Variants in SLC20A2 observed in about 807,000 individuals in gnomAD.
SLC20A2 encodes sodium-dependent phosphate transporter 2.
Under a neutral mutation model 61.0 loss-of-function variants are expected in SLC20A2, and 30 were observed. The observed-to-expected ratio is 0.49, with a 90% CI of 0.37 to 0.67. The LOEUF is 0.67. SLC20A2 is among the 30% of genes least tolerant of loss of function. The probability of loss-of-function intolerance (pLI) is 0.00; values close to 1 mark genes in which losing one functional copy is unlikely to be tolerated. For synonymous variants in SLC20A2, 351 were observed against 353.3 expected, an observed-to-expected ratio of 0.99 and a Z score of 0.07; for missense variants, 626 against 866.4, an observed-to-expected ratio of 0.72 and a Z score of 3.48.
At chr8:42,459,047 C>G (rs1330860248) in intron 5 of SLC20A2, among the ~76,000 whole-genome samples, 1 of 146,566 alleles carries the variant, frequency 6.8e-6, no homozygotes, top group African/African-American at 2.6e-5. Flanking sequence ...TCGAGGCAGG[C>G]GGATCACAAG....
intron 2 of SLC20A2, among the ~76,000 whole-genome samples, chr8:42,467,943 G>T (rs1807315318): frequency 1.3e-5 from 2 of 151,072 alleles, no homozygotes; most frequent in South Asian, 4.2e-4. Context: ...TTTAGACGGG[G>T]TCTTGCTCTG....
chr8:42,472,472 C>A lies in SLC20A2; in HGVS notation c.-82G>T, dbSNP rs1586141450. On this transcript the variant is annotated 5_prime_UTR_variant, in exon 2 of 11. Coordinates refer to ENST00000520262, the MANE Select transcript of SLC20A2 (RefSeq NM_001257180.2). The surrounding 1 kb of genome is among the most constrained non-coding windows in gnomAD (Gnocchi z 4.1). Reference sequence around the variant, plus strand: ...GCTTGAGGTTATAAACTTCGTAAGGCCAAGAGTTCTTGTAAACAGTGAGTT... The same window carrying A: ...GCTTGAGGTTATAAACTTCGTAAGGACAAGAGTTCTTGTAAACAGTGAGTT... 31 of 1,289,056 alleles carry A rather than the reference C, an allele frequency of 2.4e-5. No homozygotes were observed. In the East Asian group the frequency reaches 7.4e-4, roughly 31 times the overall value. 79.9% of individuals were successfully genotyped at this position (1,289,056 alleles called of 1,614,324 possible).
intron 1 of SLC20A2, among the ~76,000 whole-genome samples, chr8:42,490,198 A>T (rs1021289168): frequency 6.6e-6 from 1 of 152,168 alleles, no homozygotes; most frequent in African/African-American, 2.4e-5. Flanking sequence ...ATATAAACTT[A>T]AAAAAATTAT....
intron 1 of SLC20A2, among the ~76,000 whole-genome samples, chr8:42,526,435 AG>A (rs1811944548): frequency 6.6e-6 from 1 of 152,000 alleles, no homozygotes; most frequent in Non-Finnish European, 1.5e-5. Flanking sequence ...GGACTTTGGG[AG>A]GCCAAGGTGG....
chr8:42,501,952 A>G (rs1170856485), upstream of SLC20A2, among the ~76,000 whole-genome samples: 1 of 152,238 alleles, frequency 6.6e-6, no homozygotes, highest in Non-Finnish European at 1.5e-5. Context: ...TCAGAACATG[A>G]AAAACTTTCT....
At chr8:42,531,623 T>C (rs74356200) in intron 1 of SLC20A2, among the ~76,000 whole-genome samples, 2,505 of 152,256 alleles carry the variant, frequency 0.016, 63 homozygotes, top group African/African-American at 0.057. Context: ...ATTTTCACAA[T>C]GCTACAACTA....
chr8:42,477,112 G>A (rs1200943089), intron 1 of SLC20A2, among the ~76,000 whole-genome samples: 1 of 152,234 alleles, frequency 6.6e-6, no homozygotes, highest in Non-Finnish European at 1.5e-5. Flanking sequence ...CTCTCTAGTG[G>A]CTGACCCTGG....
In SLC20A2 at chr8:42,437,610, G is replaced by T; in HGVS notation, c.935-33C>A. The T allele has an allele frequency of 1.4e-5, 19 of 1,384,736 alleles. No individual in the cohort carries two copies. Among genetic ancestry groups the T allele is most frequent in the Admixed American group, 2.4e-5 (1 of 42,092 alleles). The allele number at this position is 1,384,736 out of a possible 1,614,324, so 85.8% of individuals were successfully genotyped here. ...GGGTTAGAGAAGGTCTCATTTTCCA[G>T]TCTTTTTTTTTTTTTTCTTTTCTTT... On this transcript the variant is annotated intron_variant, in intron 7 of 10. Transcript: ENST00000520262. This position sits in a 1 kb window ranked among gnomAD's most constrained non-coding sequence, Gnocchi z 6.4.
rs74820353 is a variant in SLC20A2, at chr8:42,428,983, A to C, written c.1710-141T>G. ...GGGCAAGATCAATTTTAACAGAACA[A>C]GAGGCCGCTGCTCAACAACAGCAAT... On this transcript the variant is annotated intron_variant, in intron 9 of 10. Coordinates refer to ENST00000520262, the MANE Select transcript of SLC20A2 (RefSeq NM_001257180.2). 0.029 allele frequency: 18,137 copies of C among 621,348 alleles called. 386 individuals are homozygous for C. Among genetic ancestry groups the C allele is most frequent in the Non-Finnish European group, 0.039 (14,539 of 374,060 alleles). The allele number at this position is 621,348 out of a possible 1,614,324, so 38.5% of individuals were successfully genotyped here.
At chr8:42,524,808 A>C (rs1267840663) in intron 1 of SLC20A2, among the ~76,000 whole-genome samples, 2 of 151,542 alleles carry the variant, frequency 1.3e-5, no homozygotes, top group East Asian at 3.9e-4. Context: ...TAAATAAATA[A>C]ATAAAAATAA....
chr8:42,433,409 C>T (rs1019851973), intron 8 of SLC20A2, among the ~76,000 whole-genome samples: 1 of 152,038 alleles, frequency 6.6e-6, no homozygotes. Flanking sequence ...CTGCAATATC[C>T]TCCACCTGGG....
rs374795411 is a variant in SLC20A2, at chr8:42,443,119, C to T, written c.730+1527G>A. 1.9e-4 allele frequency among the ~76,000 whole-genome samples: 29 copies of T among 149,112 alleles called. No homozygotes were observed. The East Asian group carries it at 4.1e-3, about 21-fold the overall frequency. ...CGTTTTATTATATATGTTATAATTA[C>T]TATAACTATAATAATACAATTATTA... On this transcript the variant is annotated intron_variant, in intron 6 of 10. Coordinates refer to ENST00000520262, the MANE Select transcript of SLC20A2 (RefSeq NM_001257180.2).
chr8:42,479,371 C>G (rs1220098476), intron 1 of SLC20A2, among the ~76,000 whole-genome samples: 1 of 152,142 alleles, frequency 6.6e-6, no homozygotes, highest in Non-Finnish European at 1.5e-5. Context: ...ATCACAGGGT[C>G]ACTCTGATCT....
chr8:42,439,749 C>A, intron 6 of SLC20A2, 96 bp from the exon 7 acceptor site: 1 of 967,816 alleles, frequency 1.0e-6, no homozygotes, highest in Non-Finnish European at 1.6e-6. Context: ...TATGCTTTAG[C>A]ACTGATTTTG....
At chr8:42,468,267 C>G (rs1226658539) in intron 2 of SLC20A2, among the ~76,000 whole-genome samples, 4 of 152,194 alleles carry the variant, frequency 2.6e-5, no homozygotes, top group African/African-American at 9.7e-5. Context: ...CAATTGAATT[C>G]AGACCATAAG....
At chr8:42,463,143 G>T in intron 3 of SLC20A2, 53 bp from the exon 4 acceptor site, 2 of 1,026,754 alleles carry the variant, frequency 1.9e-6, no homozygotes, top group Admixed American at 2.3e-5. Flanking sequence ...TCATAATTAT[G>T]GTCCTATTCA....
chr8:42,429,870 G>A (rs942008121), intron 9 of SLC20A2, among the ~76,000 whole-genome samples, 194 bp downstream of exon 9: 4 of 152,168 alleles, frequency 2.6e-5, no homozygotes, highest in African/African-American at 9.7e-5. Flanking sequence ...CGCTGTGGCT[G>A]GGGGCCGGGC....
At chr8:42,436,490 C>CGTGCCCTGTGTGGCCCCTGTCAAAT (rs1339927734) in intron 8 of SLC20A2, among the ~76,000 whole-genome samples, 5 of 152,256 alleles carry the variant, frequency 3.3e-5, no homozygotes, top group East Asian at 3.9e-4. Context: ...CCCTGTCAAA[C>CGTGCCCTGTGTGGCCCCTGTCAAAT]GTGCCCTGTG....
intron 5 of SLC20A2, among the ~76,000 whole-genome samples, chr8:42,458,566 T>G (rs1563481618): frequency 2.2e-5 from 3 of 136,968 alleles, no homozygotes; most frequent in Admixed American, 8.1e-5. Flanking sequence ...AAGGCTGCAG[T>G]GGGCTATGAT....
Sources: gnomAD v4.1 joint callset for allele counts (sites outside exome capture counted in the v4.1 genomes callset) on GRCh38, gnomAD v4.1.1 for gene constraint, Gnocchi (gnomAD v3.1) non-coding constraint, MANE v1.5 for transcripts, NCBI Gene and HGNC (gene_info 2026-07-23, HGNC 2026-07-21) for gene names.